Variants in ALK observed in about 807,000 individuals in gnomAD.
The protein encoded by ALK is ALK tyrosine kinase receptor.
Under a neutral mutation model 163.1 loss-of-function variants are expected in ALK, and 74 were observed. That is an observed-to-expected ratio of 0.45 (90% confidence interval 0.38 to 0.55). The LOEUF (loss-of-function observed/expected upper bound fraction) is 0.55, where lower values mean the gene tolerates loss of function less well. ALK is among the 20% of genes least tolerant of loss of function. The probability of loss-of-function intolerance (pLI) is 0.00; values close to 1 mark genes in which losing one functional copy is unlikely to be tolerated. For missense variants in ALK, 2,063 were observed against 2,105.3 expected (o/e 0.98, Z 0.39); for synonymous variants, 960 against 843.2 (o/e 1.14, Z -2.40).
At chr2:29,889,398 G>A (rs1667075635) in intron 1 of ALK, among the ~76,000 whole-genome samples, 1 of 152,068 alleles carries the variant, frequency 6.6e-6, no homozygotes, top group South Asian at 2.1e-4. Flanking sequence ...TACAGGAAAT[G>A]TAAACCTCTT....
chr2:29,553,741 T>G (rs116016388), intron 3 of ALK, among the ~76,000 whole-genome samples: 18 of 152,372 alleles, frequency 1.2e-4, no homozygotes, highest in African/African-American at 4.3e-4. Flanking sequence ...ACCTGTTTCA[T>G]TGCACCCCTG....
chr2:29,516,501 T>G (rs1672670180), intron 4 of ALK, among the ~76,000 whole-genome samples: 1 of 152,176 alleles, frequency 6.6e-6, no homozygotes, highest in Non-Finnish European at 1.5e-5. Flanking sequence ...TTCTCACGGG[T>G]ACTTTTCCCT....
intron 3 of ALK, among the ~76,000 whole-genome samples, chr2:29,569,914 C>T (rs1002886415): frequency 3.3e-5 from 5 of 152,212 alleles, no homozygotes; most frequent in Non-Finnish European, 7.3e-5. Flanking sequence ...CACAGAGCCT[C>T]CAGCTCAGGT....
At chr2:29,594,136 G>A (rs1433790103) in intron 3 of ALK, among the ~76,000 whole-genome samples, 2 of 152,076 alleles carry the variant, frequency 1.3e-5, no homozygotes, top group African/African-American at 2.4e-5. Context: ...TGCCCAAAAT[G>A]TCAACAGTAG....
At chr2:29,877,242 T>C (rs1666746911) in intron 1 of ALK, among the ~76,000 whole-genome samples, 1 of 152,198 alleles carries the variant, frequency 6.6e-6, no homozygotes. Context: ...AGACTTTTTG[T>C]ACTTGCTGTT....
chr2:29,254,921 T>C (rs1664915032), intron 11 of ALK, among the ~76,000 whole-genome samples: 1 of 152,184 alleles, frequency 6.6e-6, no homozygotes, highest in South Asian at 2.1e-4. Context: ...TCTCCAGTGG[T>C]TTCCATACAC....
chr2:29,875,597 G>A (rs905898107), intron 1 of ALK, among the ~76,000 whole-genome samples: 5 of 151,944 alleles, frequency 3.3e-5, no homozygotes, highest in South Asian at 2.1e-4. Context: ...CCCTACCCCC[G>A]ACAGGCCCCG....
Position 29,752,112 on chromosome 2 carries a change from A to T in ALK, c.668-34415T>A, listed in dbSNP as rs116184186. Among the ~76,000 whole-genome samples, 730 of 152,308 alleles carry T rather than the reference A, an allele frequency of 4.8e-3. 8 individuals carry two copies. The highest frequency in any genetic ancestry group is 0.015 in the African/African-American group (635 of 41,558). ...GAACTTATGATGGCATAACTTAATG[A>T]TCTTCTGACTTTATGATGGTGCAAA... On this transcript the variant is annotated intron_variant, in intron 1 of 28. Coordinates refer to ENST00000389048, the MANE Select transcript of ALK (RefSeq NM_004304.5).
At chr2:29,832,391 G>C (rs1665443460) in intron 1 of ALK, among the ~76,000 whole-genome samples, 1 of 152,168 alleles carries the variant, frequency 6.6e-6, no homozygotes, top group East Asian at 1.9e-4. Flanking sequence ...GTGAATTGAA[G>C]AGGAAGGGGT....
rs11894232 is a variant in ALK, at chr2:29,846,206, G to A, written c.667+73787C>T. 3.1e-3 allele frequency among the ~76,000 whole-genome samples: 467 copies of A among 152,208 alleles called. 1 individual carries two copies. The highest frequency in any genetic ancestry group is 0.01 in the African/African-American group (423 of 41,532). ...CCTGTCTGTTTCTTGAACACACCACGCTGGTTCTAGGATCTGGTTCTAGGA... is the reference window on the plus strand; with the variant it reads ...CCTGTCTGTTTCTTGAACACACCACACTGGTTCTAGGATCTGGTTCTAGGA... On this transcript the variant is annotated intron_variant, in intron 1 of 28. Coordinates refer to ENST00000389048, the MANE Select transcript of ALK (RefSeq NM_004304.5).
At chr2:29,710,505 T>C (rs1323573409) in intron 2 of ALK, among the ~76,000 whole-genome samples, 1 of 121,328 alleles carries the variant, frequency 8.2e-6, no homozygotes, top group Non-Finnish European at 1.6e-5. Flanking sequence ...TGTGCGTGTG[T>C]GTGTGTGTGT....
chr2:29,330,279 A>G (rs1451170104), intron 5 of ALK, among the ~76,000 whole-genome samples: 1 of 152,104 alleles, frequency 6.6e-6, no homozygotes, highest in Non-Finnish European at 1.5e-5. Flanking sequence ...GGCGATGAAC[A>G]TGGTCATGTG....
intron 1 of ALK, among the ~76,000 whole-genome samples, chr2:29,858,553 C>T (rs551784604): frequency 6.7e-6 from 1 of 148,168 alleles, no homozygotes; most frequent in African/African-American, 2.5e-5. Flanking sequence ...ACCAACGTGG[C>T]GAAACTCCGT....
At chr2:29,395,031 G>A (rs1669270134) in intron 4 of ALK, among the ~76,000 whole-genome samples, 1 of 152,076 alleles carries the variant, frequency 6.6e-6, no homozygotes, top group Non-Finnish European at 1.5e-5. Flanking sequence ...TTCATCCAGG[G>A]CCCCCACTTC....
In ALK at chr2:29,536,831, G is replaced by A. The variant is rs575895070; in HGVS notation, c.953-4715C>T. Among the ~76,000 whole-genome samples, 41 of 152,298 alleles carry A rather than the reference G, an allele frequency of 2.7e-4. 1 individual carries two copies. The highest frequency in any genetic ancestry group is 9.1e-4 in the African/African-American group (38 of 41,560). ...GAAATAAAAAAGTTATTGAAAACTG[G>A]AATAAAGGTAACCTGTGTTACACCT... is the stretch of plus-strand genomic sequence containing the variant. On this transcript the variant is annotated intron_variant, in intron 3 of 28. Coordinates refer to ENST00000389048, the MANE Select transcript of ALK (RefSeq NM_004304.5).
At chr2:29,307,590 G>A (rs911445229) in intron 8 of ALK, among the ~76,000 whole-genome samples, 1 of 152,178 alleles carries the variant, frequency 6.6e-6, no homozygotes, top group African/African-American at 2.4e-5. Context: ...CGGTAATTTT[G>A]ACTTCCCTGG....
At chr2:29,649,162 T>C (rs1676967113) in intron 3 of ALK, among the ~76,000 whole-genome samples, 3 of 152,100 alleles carry the variant, frequency 2.0e-5, no homozygotes, top group South Asian at 4.2e-4. Context: ...GATTCAATTA[T>C]GCTGGACACT....
rs115557048 is a variant in ALK, at chr2:29,383,482, A to G, written c.1282+250T>C. Among the ~76,000 whole-genome samples, 841 of 152,232 alleles carry G rather than the reference A, an allele frequency of 5.5e-3. 9 individuals carry two copies. Among genetic ancestry groups the G allele is most frequent in the African/African-American group, 0.02 (811 of 41,542 alleles). On this transcript the variant is annotated intron_variant, in intron 5 of 28. Coordinates refer to ENST00000389048, the MANE Select transcript of ALK (RefSeq NM_004304.5). Reference sequence around the variant, plus strand: ...CAGACGCACATCACCACACCAGGCTAATTTTTGTAATTTTAGTAGAGACAG... The same window carrying G: ...CAGACGCACATCACCACACCAGGCTGATTTTTGTAATTTTAGTAGAGACAG...
intron 4 of ALK, among the ~76,000 whole-genome samples, chr2:29,456,188 TGTC>T (rs1282339544): frequency 3.3e-5 from 5 of 152,058 alleles, no homozygotes; most frequent in Non-Finnish European, 7.4e-5. Context: ...AACATAGAAT[TGTC>T]GTATGCTCCA....
Sources: allele counts gnomAD v4.1 joint callset (sites outside exome capture counted in the v4.1 genomes callset), GRCh38; gene constraint gnomAD v4.1.1; transcripts MANE v1.5; gene names NCBI Gene and HGNC (gene_info 2026-07-23, HGNC 2026-07-21).